RGS3: variants seen among roughly 807,000 people sequenced by gnomAD.
The protein encoded by RGS3 is regulator of G-protein signalling 3.
In RGS3, 80 loss-of-function variants were observed where a neutral mutation model predicts 132.6. That is an observed-to-expected ratio of 0.60 (90% CI 0.50 to 0.73). The LOEUF (loss-of-function observed/expected upper bound fraction) is 0.73, where lower values mean the gene tolerates loss of function less well. RGS3 is among the 30% of genes least tolerant of loss of function. The pLI is 0.00. For missense variants in RGS3, 1,382 were observed against 1,530.8 expected (o/e 0.90, Z 1.62); for synonymous variants, 598 against 620.6 (o/e 0.96, Z 0.54).
intron 21 of RGS3, chr9:113,592,932 T>G (rs563151356): frequency 6.6e-6 from 1 of 152,224 alleles, no homozygotes; most frequent in Non-Finnish European, 1.5e-5. Flanking sequence ...ACCACTACTT[T>G]TATTTTCCGT....
intron 23 of RGS3, chr9:113,595,206 C>T (rs970273921): frequency 1.4e-5 from 8 of 591,802 alleles, no homozygotes; most frequent in Middle Eastern, 4.4e-4. Context: ...CACTGCCTGC[C>T]GGAGGCCCGT....
chr9:113,570,533 A>G (rs1396407828), intron 19 of RGS3, among the ~76,000 whole-genome samples: 5 of 149,358 alleles, frequency 3.3e-5, no homozygotes, highest in East Asian at 1.9e-4. Context: ...AATACAGCCA[A>G]TGAATTTTCC....
chr9:113,523,109 C>T, intron 17 of RGS3, 68 bp downstream of exon 15: 1 of 1,025,276 alleles, frequency 9.8e-7, no homozygotes, highest in Non-Finnish European at 1.5e-6. Context: ...CTGGGCAGCC[C>T]TCTGGGATCT....
chr9:113,572,538 C>T (rs1007770572), intron 19 of RGS3, among the ~76,000 whole-genome samples: 6 of 152,272 alleles, frequency 3.9e-5, no homozygotes, highest in Admixed American at 3.9e-4. Flanking sequence ...GGCACCCCAC[C>T]ACCACCCAGT....
At chr9:113,544,660 G>C (rs563760430) in intron 19 of RGS3, among the ~76,000 whole-genome samples, 1 of 152,294 alleles carries the variant, frequency 6.6e-6, no homozygotes, top group African/African-American at 2.4e-5. Context: ...GGGGTCCCCA[G>C]GCATGATCTC....
intron 19 of RGS3, among the ~76,000 whole-genome samples, chr9:113,556,341 T>C (rs1261200449): frequency 6.6e-6 from 1 of 152,162 alleles, no homozygotes; most frequent in East Asian, 1.9e-4. Context: ...TCTATTAATT[T>C]AGGAATGGTT....
chr9:113,494,660 A>C (rs1038054712), intron 7 of RGS3, among the ~76,000 whole-genome samples: 2 of 151,984 alleles, frequency 1.3e-5, no homozygotes, highest in African/African-American at 4.8e-5. Flanking sequence ...CTATTTTAAA[A>C]ATTTTTTGTA....
intron 4 of RGS3, 90 bp downstream of exon 2, chr9:113,479,631 G>C: frequency 8.7e-7 from 1 of 1,143,752 alleles, no homozygotes; most frequent in Non-Finnish European, 1.3e-6. Flanking sequence ...GTGGCACCAT[G>C]GGCCAAGGCT....
exon 20 of RGS3, chr9:113,584,219 C>G: frequency 6.2e-7 from 1 of 1,613,778 alleles, no homozygotes; most frequent in Non-Finnish European, 8.5e-7. Context: ...GTGCAGAACT[C>G]GCTGCGGCGC....
chr9:113,569,814 G>A (rs1008916016), intron 19 of RGS3, among the ~76,000 whole-genome samples: 1 of 152,096 alleles, frequency 6.6e-6, no homozygotes, highest in Admixed American at 6.5e-5. Flanking sequence ...GGGTGCTGTG[G>A]GACTCCCCAG....
chr9:113,567,817 AC>A (rs568399356), intron 19 of RGS3, among the ~76,000 whole-genome samples: 2 of 152,150 alleles, frequency 1.3e-5, no homozygotes, highest in African/African-American at 2.4e-5. Flanking sequence ...AGCTCCCTGG[AC>A]CCTCTTGGGA....
intron 19 of RGS3, among the ~76,000 whole-genome samples, chr9:113,551,207 TA>T (rs1374931456): frequency 1.3e-5 from 2 of 152,250 alleles, no homozygotes; most frequent in Admixed American, 6.5e-5. Flanking sequence ...ACATTTCATA[TA>T]AAGGGAATTA....
rs145020127 is a variant in RGS3, at chr9:113,479,495, G to C, written c.420G>C (p.Gln140His). Reference sequence around the variant, plus strand: ...TTTCTGTTGCTGTTTCCTTAGGTCAGCTGAGGCTGTCCATTGATGCCCAGG... The same window carrying C: ...TTTCTGTTGCTGTTTCCTTAGGTCACCTGAGGCTGTCCATTGATGCCCAGG... Residue 140 changes from glutamine (Q) to histidine (H), a missense_variant, in exon 4 of 25, where the codon CAG (glutamine) becomes CAC (histidine). Gln to His is a conservative substitution (Grantham distance 24, BLOSUM62 0). Transcript: ENST00000350696. 2,083 of 1,614,228 alleles carry C rather than the reference G, an allele frequency of 1.3e-3. 7 individuals are homozygous for C. The highest frequency in any genetic ancestry group is 1.5e-3 in the East Asian group (69 of 44,890).
chr9:113,594,486 G>T (rs780502510), exon 22 of RGS3: 1 of 1,613,780 alleles, frequency 6.2e-7, no homozygotes, highest in South Asian at 1.1e-5. Flanking sequence ...GAGTCCCCTG[G>T]AGCCCCTCCC....
chr9:113,495,707 C>T, intron 7 of RGS3, 79 bp from the exon 6 acceptor site: 1 of 1,168,742 alleles, frequency 8.6e-7, no homozygotes, highest in Non-Finnish European at 1.3e-6. Flanking sequence ...ATCAGGCAAA[C>T]CCATGCTATA....
At chr9:113,490,218 T>C (rs72761963) in intron 7 of RGS3, among the ~76,000 whole-genome samples, 27,787 of 152,138 alleles carry the variant, frequency 0.18, 2,651 homozygotes, top group African/African-American at 0.21. Flanking sequence ...CTTTCAAATG[T>C]GTGCAGAGGT....
At chr9:113,571,282 G>T (rs1245964210) in intron 19 of RGS3, among the ~76,000 whole-genome samples, 3 of 152,200 alleles carry the variant, frequency 2.0e-5, no homozygotes, top group South Asian at 2.1e-4. Flanking sequence ...TGCAATTGCT[G>T]AGTCATAGAG....
intron 4 of RGS3, among the ~76,000 whole-genome samples, chr9:113,480,617 A>G (rs1333646281): frequency 6.6e-6 from 1 of 152,196 alleles, no homozygotes. Context: ...GGTGATGCCC[A>G]CACGGTATCC....
chr9:113,582,094 G>A (rs554297331), intron 19 of RGS3: 8 of 985,448 alleles, frequency 8.1e-6, no homozygotes, highest in Middle Eastern at 5.2e-4. Flanking sequence ...CCCCTGACAC[G>A]TGTGTGCAGC....
Sources: allele counts gnomAD v4.1 joint callset (sites outside exome capture counted in the v4.1 genomes callset), GRCh38; gene constraint gnomAD v4.1.1; transcripts MANE v1.5; gene names NCBI Gene and HGNC (gene_info 2026-07-23, HGNC 2026-07-21).